Variants in IFNAR2 observed in about 807,000 individuals in gnomAD.
IFNAR2 encodes interferon alpha/beta receptor 2.
A neutral mutation model predicts 49.4 loss-of-function variants in IFNAR2; 30 were observed. That is an observed-to-expected ratio of 0.61 (90% confidence interval 0.45 to 0.82). The LOEUF (loss-of-function observed/expected upper bound fraction) is 0.82, where lower values mean the gene tolerates loss of function less well. IFNAR2 is among the 40% of genes least tolerant of loss of function. IFNAR2 has a pLI of 0.00. For synonymous variants in IFNAR2, 224 were observed against 234.5 expected (o/e 0.96, Z 0.41); for missense variants, 600 against 622.7 (o/e 0.96, Z 0.39).
intron 1 of IFNAR2, chr21:33,234,714 G>A: frequency 1.0e-6 from 1 of 984,434 alleles, no homozygotes; most frequent in Non-Finnish European, 1.2e-6. Flanking sequence ...TCTTCTTTCA[G>A]AATGGAGAAG....
chr21:33,263,536 A>G lies in IFNAR2; in HGVS notation c.*36A>G, dbSNP rs754941271. ...ATTGAATGAACTTGGACAGACAAGC[A>G]CCTACAGGGTTCTTTGTCTCTGCAT... is the stretch of plus-strand genomic sequence containing the variant. On this transcript the variant is annotated 3_prime_UTR_variant, in exon 9 of 9. Coordinates refer to ENST00000342136, the MANE Select transcript of IFNAR2 (RefSeq NM_001289125.3). 13 of 1,552,256 alleles carry G rather than the reference A, an allele frequency of 8.4e-6. No individual in the cohort carries two copies. Among genetic ancestry groups the G allele is most frequent in the Non-Finnish European group, 1.0e-5 (12 of 1,152,540 alleles).
chr21:33,247,258 T>C (rs867253109), intron 5 of IFNAR2, among the ~76,000 whole-genome samples: 1 of 142,210 alleles, frequency 7.0e-6, no homozygotes, highest in African/African-American at 2.7e-5. Context: ...TTCTTTCTTT[T>C]TTTTTTTTTT....
rs1310889473 is a variant in IFNAR2, at chr21:33,246,729, AT to A, written c.236del (p.Leu79Ter). On this transcript the variant is annotated frameshift_variant, in exon 5 of 9. Transcript: ENST00000342136. LOFTEE classifies it high-confidence loss of function. ...TTTTCTTTCCAAAGTAAACCAGAAG[AT>A]TTGAAGGTGGTTAAGAACTGTGCAA... is the stretch of plus-strand genomic sequence containing the variant. ...LLYTIMSKPE[D>X]LKVVKNCANT... The A allele has an allele frequency of 5.6e-6, 9 of 1,609,060 alleles. No individual in the cohort carries two copies. Among genetic ancestry groups the A allele is most frequent in the Non-Finnish European group, 7.6e-6 (9 of 1,178,370 alleles).
At position 33,242,758 on chromosome 21, in the gene IFNAR2, C is replaced by CGTGTGT. The variant is rs375640331; in HGVS notation, c.55+822_55+827dup. ...AAAAAAAAAAAAAAAATCTCGTGTG[C>CGTGTGT]GTGTGTGTGTGTGTGTGTGTGTGTG... On this transcript the variant is annotated intron_variant, in intron 2 of 8. Transcript: ENST00000342136. Among the ~76,000 whole-genome samples the CGTGTGT allele has an allele frequency of 1.3e-4, 10 of 76,574 alleles. No homozygotes were observed. The South Asian group carries it at 1.9e-3, about 15-fold the overall frequency. The allele number at this position is 76,574 out of a possible 152,430, so 50.2% of individuals were successfully genotyped here.
intron 1 of IFNAR2, among the ~76,000 whole-genome samples, chr21:33,233,781 TAAGAG>T (rs1047137852): frequency 7.9e-5 from 12 of 152,036 alleles, no homozygotes; most frequent in African/African-American, 1.9e-4. Flanking sequence ...ATAAAGAACT[TAAGAG>T]TAGAGAAAGG....
chr21:33,236,779 A>T, intron 1 of IFNAR2: 1 of 984,506 alleles, frequency 1.0e-6, no homozygotes, highest in Non-Finnish European at 1.2e-6. Flanking sequence ...AAAATGGTTA[A>T]GAATTTCAGG....
chr21:33,257,559 G>A (rs777800793), intron 7 of IFNAR2, among the ~76,000 whole-genome samples: 24 of 148,250 alleles, frequency 1.6e-4, no homozygotes, highest in East Asian at 1.4e-3. Context: ...TTTACAGAGC[G>A]CTGATTGGTG....
intron 2 of IFNAR2, 21 bp from the exon 3 acceptor site, chr21:33,243,652 A>C (rs755707460): frequency 1.9e-6 from 3 of 1,604,550 alleles, no homozygotes; most frequent in South Asian, 2.2e-5. Flanking sequence ...TTGCCTCTCT[A>C]ATGTGTTTTC....
At chr21:33,241,724 G>T in intron 1 of IFNAR2, 116 bp from the exon 2 acceptor site, 1 of 602,180 alleles carries the variant, frequency 1.7e-6, no homozygotes, top group Non-Finnish European at 2.6e-6. Context: ...GTAGGGGATT[G>T]GGCCCAGAAG....
chr21:33,260,294 A>C (rs1988478065), intron 7 of IFNAR2, among the ~76,000 whole-genome samples: 1 of 152,190 alleles, frequency 6.6e-6, no homozygotes, highest in Admixed American at 6.6e-5. Flanking sequence ...CGAGCTCTTA[A>C]TTCTGTTTAA....
chr21:33,260,390 T>A (rs1462673892), intron 7 of IFNAR2, among the ~76,000 whole-genome samples: 1 of 152,240 alleles, frequency 6.6e-6, no homozygotes, highest in Non-Finnish European at 1.5e-5. Context: ...AAGGAAATTT[T>A]ACTTTTAAAA....
intron 7 of IFNAR2, among the ~76,000 whole-genome samples, chr21:33,254,479 C>A (rs961813248): frequency 6.6e-6 from 1 of 152,140 alleles, no homozygotes; most frequent in East Asian, 1.9e-4. Context: ...ATAAAGAACC[C>A]CCTTCCCAGT....
At chr21:33,240,064 G>A (rs866215617) in intron 1 of IFNAR2, among the ~76,000 whole-genome samples, 25 of 151,752 alleles carry the variant, frequency 1.6e-4, no homozygotes, top group South Asian at 1.3e-3. Context: ...TCCCTTCTGG[G>A]CCCCAGAGTG....
intron 1 of IFNAR2, among the ~76,000 whole-genome samples, chr21:33,234,437 T>C (rs758544645): frequency 6.6e-6 from 1 of 152,204 alleles, no homozygotes; most frequent in Non-Finnish European, 1.5e-5. Context: ...GAAAAAGATA[T>C]GTAATTGTTT....
Position 33,242,758 on chromosome 21 carries a change from C to CA in IFNAR2, c.55+781_55+782insA, listed in dbSNP as rs1466194739. 5.2e-5 allele frequency among the ~76,000 whole-genome samples: 4 copies of CA among 76,576 alleles called. 1 individual carries two copies. Among genetic ancestry groups the CA allele is most frequent in the Non-Finnish European group, 7.5e-5 (3 of 39,792 alleles). The allele number at this position is 76,576 out of a possible 152,430, so 50.2% of individuals were successfully genotyped here. ...AAAAAAAAAAAAAAAATCTCGTGTG[C>CA]GTGTGTGTGTGTGTGTGTGTGTGTG... On this transcript the variant is annotated intron_variant, in intron 2 of 8. Transcript: ENST00000342136.
rs1427913818 is a variant in IFNAR2, at chr21:33,244,996, T to C, written c.143T>C (p.Phe48Ser). 1 of 1,611,162 alleles carries C rather than the reference T, an allele frequency of 6.2e-7. No individual in the cohort carries two copies. The highest frequency in any genetic ancestry group is 1.7e-5 in the Admixed American group (1 of 60,022). The change falls in exon 4 of 9, where the codon TTC (phenylalanine) becomes TCC (serine). Residue 48 changes from phenylalanine to serine, a missense_variant. Transcript: ENST00000342136. ...SCTFKISLRN[F>S]RSILSWELKN... ...ACTTTCAAGATATCATTGCGAAATT[T>C]CCGGTCCATCTTATCATGGGAATTA...
chr21:33,263,233 A>C lies in IFNAR2; in HGVS notation c.1281A>C (p.Leu427Phe). Reference sequence around the variant, plus strand: ...GCAGAATTACCTTCAATGTGGACTTAAACTCTGTGTTTTTGAGAGTTCTTG... The same window carrying C: ...GCAGAATTACCTTCAATGTGGACTTCAACTCTGTGTTTTTGAGAGTTCTTG... Reference protein sequence around the residue: ...SGGRITFNVDLNSVFLRVLDD... With the variant: ...SGGRITFNVDFNSVFLRVLDD... The change falls in exon 9 of 9, where the codon TTA (leucine) becomes TTC (phenylalanine). Residue 427 changes from leucine (L) to phenylalanine (F), a missense_variant. Coordinates refer to ENST00000342136, the MANE Select transcript of IFNAR2 (RefSeq NM_001289125.3). 1 of 1,614,230 alleles carries C rather than the reference A, an allele frequency of 6.2e-7. No individual in the cohort carries two copies. Among genetic ancestry groups the C allele is most frequent in the Non-Finnish European group, 8.5e-7 (1 of 1,180,040 alleles).
Position 33,246,848 on chromosome 21 carries a change from A to C in IFNAR2, c.352A>C (p.Thr118Pro). The C allele has an allele frequency of 6.2e-7, 1 of 1,614,212 alleles. No individual in the cohort carries two copies. Among genetic ancestry groups the C allele is most frequent in the South Asian group, 1.1e-5 (1 of 91,086 alleles). Residue 118 changes from threonine (T) to proline (P), a missense_variant, in exon 5 of 9, where the codon ACG (threonine) becomes CCG (proline). By Grantham distance (38) the Thr-to-Pro change is conservative. Transcript: ENST00000342136. ...CCTAGAAGGATTCAGCGGGAACACAACGTTGTTCAGTTGCTCACACAATTT... is the reference window on the plus strand; with the variant it reads ...CCTAGAAGGATTCAGCGGGAACACACCGTTGTTCAGTTGCTCACACAATTT... ...TVLEGFSGNTTLFSCSHNFWL... is the reference protein window; with the variant it reads ...TVLEGFSGNTPLFSCSHNFWL...
chr21:33,258,870 G>T (rs1027916934), intron 7 of IFNAR2, among the ~76,000 whole-genome samples: 1 of 152,142 alleles, frequency 6.6e-6, no homozygotes, highest in Admixed American at 6.5e-5. Context: ...GTGATCTGAC[G>T]TGGGATGTAA....
Sources: allele counts gnomAD v4.1 joint callset (sites outside exome capture counted in the v4.1 genomes callset), GRCh38; gene constraint gnomAD v4.1.1; transcripts MANE v1.5; gene names NCBI Gene and HGNC (gene_info 2026-07-23, HGNC 2026-07-21).